Variants in DCC observed in about 807,000 individuals in gnomAD.
DCC encodes netrin receptor DCC.
In DCC, 58 loss-of-function variants were observed where a neutral mutation model predicts 172.5. The ratio of observed to expected loss-of-function variants is 0.34; its 90% confidence interval spans 0.27 to 0.42. The LOEUF is 0.42. Among genes scored for constraint, DCC ranks in the 10% least tolerant of loss-of-function variants. The pLI, the probability that DCC is intolerant of heterozygous loss-of-function variation, is 1.00. For missense variants in DCC, 1,740 were observed against 1,791.0 expected (o/e 0.97, Z 0.51); for synonymous variants, 709 against 644.5 (o/e 1.10, Z -1.52).
intron 2 of DCC, among the ~76,000 whole-genome samples, chr18:52,841,772 G>C (rs146139268): frequency 6.6e-6 from 1 of 152,190 alleles, no homozygotes; most frequent in East Asian, 1.9e-4. Flanking sequence ...TCAATCACTC[G>C]TTTCCATCTG....
chr18:53,312,363 A>G (rs1297894111), intron 13 of DCC, among the ~76,000 whole-genome samples: 14 of 56,676 alleles, frequency 2.5e-4, no homozygotes, highest in Non-Finnish European at 2.8e-4. Context: ...AAAAAAAAAA[A>G]GAAAAAGAAA....
chr18:52,683,123 G>GA (rs968108572), intron 1 of DCC, among the ~76,000 whole-genome samples: 1 of 151,834 alleles, frequency 6.6e-6, no homozygotes, highest in African/African-American at 2.4e-5. Context: ...TGCCATTTTT[G>GA]AAAAAAATTC....
intron 1 of DCC, among the ~76,000 whole-genome samples, chr18:52,497,763 A>T (rs1428974898): frequency 1.3e-5 from 2 of 152,162 alleles, no homozygotes; most frequent in East Asian, 3.9e-4. Flanking sequence ...TATACACAGT[A>T]GCAGCAGCAT....
intron 2 of DCC, among the ~76,000 whole-genome samples, chr18:52,864,843 C>A (rs545744970): frequency 6.6e-6 from 1 of 151,780 alleles, no homozygotes. Context: ...CATGTCCCTG[C>A]AAAGGATATG....
In DCC at chr18:52,987,114, G is replaced by A. The variant is rs142476538; in HGVS notation, c.985+61744G>A. Among the ~76,000 whole-genome samples the A allele has an allele frequency of 5.5e-4, 83 of 152,150 alleles. 1 individual carries two copies. The East Asian group carries it at 0.014, about 26-fold the overall frequency. On this transcript the variant is annotated intron_variant, in intron 5 of 28. Transcript: ENST00000442544. ...TGGGATTACAGGCGTGAGACTCCGC[G>A]CCTGGCCCAGAAGCAATAATTTTAA... is the stretch of plus-strand genomic sequence containing the variant.
At chr18:53,258,735 G>T (rs1402494596) in intron 12 of DCC, among the ~76,000 whole-genome samples, 1 of 152,110 alleles carries the variant, frequency 6.6e-6, no homozygotes, top group African/African-American at 2.4e-5. Flanking sequence ...GGTCCACTTG[G>T]TGCAGAGCTG....
intron 15 of DCC, among the ~76,000 whole-genome samples, chr18:53,379,490 CTTGA>C (rs923835730): frequency 6.6e-6 from 1 of 152,214 alleles, no homozygotes; most frequent in Non-Finnish European, 1.5e-5. Context: ...CTACAGGTTT[CTTGA>C]TTCATTCCCT....
At chr18:52,545,613 T>A (rs1307740938) in intron 1 of DCC, among the ~76,000 whole-genome samples, 1 of 152,210 alleles carries the variant, frequency 6.6e-6, no homozygotes, top group Non-Finnish European at 1.5e-5. Flanking sequence ...GATAATAGTA[T>A]AAATTTACAT....
intron 5 of DCC, among the ~76,000 whole-genome samples, chr18:53,014,106 G>A (rs1426827924): frequency 1.3e-5 from 2 of 152,026 alleles, no homozygotes; most frequent in East Asian, 3.9e-4. Flanking sequence ...TATTATTTTT[G>A]TGCTAGATAT....
chr18:52,746,966 G>GGGAGGA (rs573886015), intron 1 of DCC, among the ~76,000 whole-genome samples: 1 of 150,766 alleles, frequency 6.6e-6, no homozygotes, highest in Non-Finnish European at 1.5e-5. Flanking sequence ...GAAGTGTAAG[G>GGGAGGA]GGAGGAGGAG....
rs574044217 is a variant in DCC at position 52,384,484 on chromosome 18, T to C, written c.91+43606T>C. On this transcript the variant is annotated intron_variant, in intron 1 of 28. Transcript: ENST00000442544. Reference sequence around the variant, plus strand: ...CCTGTGGAGACCATTCTCTGCAGTGTGGAGGAAGAGTCCACAGTTCTCCAA... The same window carrying C: ...CCTGTGGAGACCATTCTCTGCAGTGCGGAGGAAGAGTCCACAGTTCTCCAA... Among the ~76,000 whole-genome samples, 61 of 152,282 alleles carry C rather than the reference T, an allele frequency of 4.0e-4. No homozygotes were observed. In the South Asian group the frequency reaches 0.013, roughly 32 times the overall value.
chr18:52,567,746 A>G (rs1354988687), intron 1 of DCC, among the ~76,000 whole-genome samples: 1 of 152,102 alleles, frequency 6.6e-6, no homozygotes, highest in Non-Finnish European at 1.5e-5. Context: ...CTACAAGCCC[A>G]GACTTTACTA....
At chr18:52,670,656 A>AT (rs1207606892) in intron 1 of DCC, among the ~76,000 whole-genome samples, 2 of 152,188 alleles carry the variant, frequency 1.3e-5, no homozygotes, top group Admixed American at 6.5e-5. Context: ...CCTAGCCAAC[A>AT]TGGCGAAACC....
intron 27 of DCC, among the ~76,000 whole-genome samples, chr18:53,522,943 C>A (rs1047026732): frequency 6.6e-6 from 1 of 152,148 alleles, no homozygotes; most frequent in Non-Finnish European, 1.5e-5. Context: ...AGAGCTTCTT[C>A]ATAGCAAAAG....
At chr18:53,503,078 G>T (rs2046124521) in intron 27 of DCC, among the ~76,000 whole-genome samples, 1 of 151,774 alleles carries the variant, frequency 6.6e-6, no homozygotes, top group Non-Finnish European at 1.5e-5. Flanking sequence ...GATTTTCATG[G>T]GCAACACCAT....
intron 12 of DCC, among the ~76,000 whole-genome samples, chr18:53,243,696 GCT>G (rs2056332699): frequency 6.6e-6 from 1 of 152,038 alleles, no homozygotes; most frequent in Non-Finnish European, 1.5e-5. Flanking sequence ...CAGGATTCAG[GCT>G]CTACCTCTGA....
intron 22 of DCC, among the ~76,000 whole-genome samples, chr18:53,445,798 A>G (rs1912558802): frequency 6.6e-6 from 1 of 152,104 alleles, no homozygotes; most frequent in African/African-American, 2.4e-5. Flanking sequence ...AAATAAATGG[A>G]ATGCCCATGA....
rs180811015 is a variant in DCC at position 53,206,381 on chromosome 18, G to A, written c.1722+1017G>A. On this transcript the variant is annotated intron_variant, in intron 10 of 28. Transcript: ENST00000442544. ...CATATATGTATTGTAACACATATAT[G>A]TATATATGTATATATACATATATGT... Among the ~76,000 whole-genome samples the A allele has an allele frequency of 1.5e-4, 6 of 38,744 alleles. 1 individual carries two copies. Among genetic ancestry groups the A allele is most frequent in the South Asian group, 4.4e-4 (1 of 2,264 alleles). 25.4% of individuals were successfully genotyped at this position (38,744 alleles called of 152,430 possible). A position where few individuals can be genotyped will look rare whatever the true frequency, so the allele number is the denominator to read the frequency against.
chr18:53,062,002 T>C (rs1460937766), intron 5 of DCC, among the ~76,000 whole-genome samples: 1 of 152,132 alleles, frequency 6.6e-6, no homozygotes, highest in African/African-American at 2.4e-5. Context: ...ATTCAAGTAA[T>C]ATTTCTGATA....
Sources: gnomAD v4.1 joint callset for allele counts (sites outside exome capture counted in the v4.1 genomes callset) on GRCh38, gnomAD v4.1.1 for gene constraint, MANE v1.5 for transcripts, NCBI Gene and HGNC (gene_info 2026-07-23, HGNC 2026-07-21) for gene names.